PSG2: variants seen among roughly 807,000 people sequenced by gnomAD.
The protein encoded by PSG2 is pregnancy specific beta-1-glycoprotein 2.
PSG2 carries 49 observed loss-of-function variants against 36.2 expected under a neutral mutation model. The observed-to-expected ratio is 1.35, with a 90% CI of 1.08 to 1.72. PSG2 has a LOEUF of 1.72. Ranked by LOEUF, PSG2 falls within the 40% of genes most tolerant of loss-of-function variation. The pLI, the probability that PSG2 is intolerant of heterozygous loss-of-function variation, is 0.00. For missense variants in PSG2, 605 were observed against 407.2 expected (o/e 1.49, Z -4.18); for synonymous variants, 261 against 155.6 (o/e 1.68, Z -5.04).
Position 43,075,591 on chromosome 19 carries a change from G to A in PSG2, c.472C>T (p.Pro158Ser). ...ATCACAGTTTCCATGGCCTCCCTGGGGTTTAAGTTGCTGCTGGAGATGGAG... is the reference window on the plus strand; with the variant it reads ...ATCACAGTTTCCATGGCCTCCCTGGAGTTTAAGTTGCTGCTGGAGATGGAG... ...KPSISSSNLN[P>S]REAMETVILT... The change falls in exon 3 of 6, where the codon CCC becomes TCC. Residue 158 changes from proline (P) to serine (S), a missense_variant. Transcript: ENST00000406487. 6.2e-7 allele frequency: 1 copy of A among 1,613,166 alleles called. No homozygotes were observed. The highest frequency in any genetic ancestry group is 8.5e-7 in the Non-Finnish European group (1 of 1,179,754).
Position 43,071,803 on chromosome 19 carries a change from A to C in PSG2, c.861T>G (p.Phe287Leu), listed in dbSNP as rs781036584. Residue 287 changes from phenylalanine (F) to leucine (L), a missense_variant, in exon 4 of 6, where the codon TTT (phenylalanine) becomes TTG (leucine). Coordinates refer to ENST00000406487, the MANE Select transcript of PSG2 (RefSeq NM_031246.4). ...TATGCTTTGTAGTAATTTGGGGGATAAACAGATTTTGTCCTGATTGCTGAA... is the reference window on the plus strand; with the variant it reads ...TATGCTTTGTAGTAATTTGGGGGATCAACAGATTTTGTCCTGATTGCTGAA... Reference protein sequence around the residue: ...GKFQQSGQNLFIPQITTKHSG... With the variant: ...GKFQQSGQNLLIPQITTKHSG... The C allele has an allele frequency of 6.2e-6, 10 of 1,612,888 alleles. No individual in the cohort carries two copies. In the East Asian group the frequency reaches 2.2e-4, roughly 36 times the overall value.
At position 43,075,443 on chromosome 19, in the gene PSG2, A is replaced by G. The variant is rs1336662253; in HGVS notation, c.620T>C (p.Val207Ala). The change falls in exon 3 of 6, where the codon GTC becomes GCC. Residue 207 changes from valine to alanine, a missense_variant. Val to Ala is a moderately conservative substitution (Grantham distance 64). Transcript: ENST00000406487. ...ETNRTLFLFG[V>A]TKYTAGPYEC... Reference sequence around the variant, plus strand: ...ATAGGGTCCTGCAGTATACTTTGTGACACCAAATAGAAAGAGGGTCCTGTT... The same window carrying G: ...ATAGGGTCCTGCAGTATACTTTGTGGCACCAAATAGAAAGAGGGTCCTGTT... 23 of 1,613,160 alleles carry G rather than the reference A, an allele frequency of 1.4e-5. No individual in the cohort carries two copies. Among genetic ancestry groups the G allele is most frequent in the African/African-American group, 2.7e-5 (2 of 74,570 alleles).
Position 43,064,290 on chromosome 19 carries a change from G to A in PSG2, c.*352C>T. 8.9e-6 allele frequency: 2 copies of A among 225,404 alleles called. No homozygotes were observed. The highest frequency in any genetic ancestry group is 9.6e-5 in the South Asian group (1 of 10,452). The allele number at this position is 225,404 out of a possible 1,614,324, so 14.0% of individuals were successfully genotyped here. On this transcript the variant is annotated 3_prime_UTR_variant, in exon 6 of 6. Transcript: ENST00000406487. ...CCCAATTCTGGGGCACTCAGATAGA[G>A]AGCAAAAGGAAATGTTTCAATTTTT...
At chr19:43,081,676 C>A (rs1333558177) in intron 1 of PSG2, 3 of 185,728 alleles carry the variant, frequency 1.6e-5, no homozygotes, top group East Asian at 2.4e-4. Flanking sequence ...TAACAGCTGA[C>A]CTCACATTCT....
intron 4 of PSG2, among the ~76,000 whole-genome samples, chr19:43,069,870 C>T (rs1272737484): frequency 4.6e-5 from 7 of 151,488 alleles, no homozygotes; most frequent in Non-Finnish European, 8.8e-5. Flanking sequence ...TTTTACATAT[C>T]GAAGAACATT....
rs776552801 is a variant in PSG2 at position 43,082,528 on chromosome 19, T to G, written c.42A>C (p.Lys14Asn). 3.4e-5 allele frequency: 54 copies of G among 1,611,740 alleles called. No individual in the cohort carries two copies. The highest frequency in any genetic ancestry group is 4.2e-5 in the Non-Finnish European group (49 of 1,178,964). ...LSAPPCTEHI[K>N]WKGLLVTASL... is the part of the protein sequence containing the mutation. ...CACCTGTGACCAGGAGCCCCTTCCA[T>G]TTGATGTGCTCTGTGCAGGGAGGGG... Residue 14 changes from lysine to asparagine, a missense_variant, in exon 1 of 6, where the codon AAA (lysine) becomes AAC (asparagine). Physicochemically the swap from Lys to Asn is moderately conservative, Grantham distance 94 (BLOSUM62 0). Coordinates refer to ENST00000406487, the MANE Select transcript of PSG2 (RefSeq NM_031246.4).
chr19:43,066,606 A>G lies in PSG2; in HGVS notation c.965-6T>C. The G allele has an allele frequency of 6.3e-7, 1 of 1,594,398 alleles. No homozygotes were observed. Among genetic ancestry groups the G allele is most frequent in the Non-Finnish European group, 8.6e-7 (1 of 1,162,852 alleles). ...AAGTCCTATTCTTGTAGAAGCTGTC[A>G]TGGAAAGAAAAGTAAAGAAGGAATG... On this transcript the variant is annotated splice_region_variant and splice_polypyrimidine_tract_variant and intron_variant, in intron 4 of 5. Transcript: ENST00000406487.
In PSG2 at chr19:43,071,530, G is replaced by A. The variant is rs1967815908; in HGVS notation, c.964+170C>T. ...CAGCCATGAGAAAACAGAAAAACAAGGAGAAGAGAGTTTGTAGAGACAAAT... is the reference window on the plus strand; with the variant it reads ...CAGCCATGAGAAAACAGAAAAACAAAGAGAAGAGAGTTTGTAGAGACAAAT... On this transcript the variant is annotated intron_variant, in intron 4 of 5. Coordinates refer to ENST00000406487, the MANE Select transcript of PSG2 (RefSeq NM_031246.4). 4.6e-5 allele frequency among the ~76,000 whole-genome samples: 7 copies of A among 151,604 alleles called. No individual in the cohort carries two copies. In the South Asian group the frequency reaches 1.5e-3, roughly 32 times the overall value.
At position 43,064,221 on chromosome 19, in the gene PSG2, A is replaced by G. The variant is rs184004967; in HGVS notation, c.*421T>C. 2.8e-3 allele frequency: 464 copies of G among 164,674 alleles called. 6 individuals are homozygous for G. The highest frequency in any genetic ancestry group is 0.011 in the Middle Eastern group (4 of 352). 10.2% of individuals were successfully genotyped at this position (164,674 alleles called of 1,614,324 possible). A position where few individuals can be genotyped will look rare whatever the true frequency, so the allele number is the denominator to read the frequency against. ...AGCAGATTCTTACTGAACTTGTGCA[A>G]ATAGCTTTATTACCATAAACATATG... On this transcript the variant is annotated 3_prime_UTR_variant, in exon 6 of 6. Transcript: ENST00000406487.
chr19:43,077,595 T>C (rs1967915282), intron 2 of PSG2, among the ~76,000 whole-genome samples: 1 of 151,718 alleles, frequency 6.6e-6, no homozygotes, highest in Non-Finnish European at 1.5e-5. Context: ...GGCATCATCA[T>C]GAGGAAACAC....
chr19:43,071,773 C>A lies in PSG2; in HGVS notation c.891G>T (p.Gly297=). Reference sequence around the variant, plus strand: ...AGTTACGAACAGAGCAAACATAGAGCCCGCTATGCTTTGTAGTAATTTGGG... The same window carrying A: ...AGTTACGAACAGAGCAAACATAGAGACCGCTATGCTTTGTAGTAATTTGGG... The part of the protein sequence containing the change: ...FIPQITTKHS[G]LYVCSVRNSA... Residue 297 remains glycine (G), a synonymous_variant, in exon 4 of 6, where the codon GGG becomes GGT. Coordinates refer to ENST00000406487, the MANE Select transcript of PSG2 (RefSeq NM_031246.4). The A allele has an allele frequency of 1.2e-6, 2 of 1,612,646 alleles. No individual in the cohort carries two copies. The highest frequency in any genetic ancestry group is 1.1e-5 in the South Asian group (1 of 91,036).
intron 4 of PSG2, among the ~76,000 whole-genome samples, chr19:43,071,163 T>C (rs1166353718): frequency 5.9e-5 from 9 of 151,394 alleles, no homozygotes; most frequent in Non-Finnish European, 1.3e-4. Context: ...TCTCCACACA[T>C]GCTGGTCCCA....
At chr19:43,081,370 C>T (rs1231729995) in intron 1 of PSG2, 124 bp from the exon 2 acceptor site, 35 of 1,204,526 alleles carry the variant, frequency 2.9e-5, no homozygotes, top group Middle Eastern at 5.6e-4. Context: ...CACACACACA[C>T]ACACACACAC....
intron 4 of PSG2, among the ~76,000 whole-genome samples, chr19:43,067,049 T>G (rs1967750058): frequency 6.6e-6 from 1 of 151,540 alleles, no homozygotes; most frequent in Non-Finnish European, 1.5e-5. Context: ...CACAGAAAGC[T>G]TCTTTCCTAC....
At chr19:43,074,803 T>C (rs1424096214) in intron 3 of PSG2, among the ~76,000 whole-genome samples, 4 of 151,726 alleles carry the variant, frequency 2.6e-5, no homozygotes, top group African/African-American at 9.7e-5. Context: ...ATTTGAGGGA[T>C]AAAGAACACT....
In PSG2 at chr19:43,075,461, G is replaced by T; in HGVS notation, c.602C>A (p.Thr201Asn). ...CTTTGTGACACCAAATAGAAAGAGGGTCCTGTTGGTTTCGGACAGCTGAAA... is the reference window on the plus strand; with the variant it reads ...CTTTGTGACACCAAATAGAAAGAGGTTCCTGTTGGTTTCGGACAGCTGAAA... ...HRFQLSETNR[T>N]LFLFGVTKYT... Residue 201 changes from threonine to asparagine, a missense_variant, in exon 3 of 6, where the codon ACC becomes AAC. Physicochemically the swap from Thr to Asn is moderately conservative, Grantham distance 65. Coordinates refer to ENST00000406487, the MANE Select transcript of PSG2 (RefSeq NM_031246.4). The T allele has an allele frequency of 6.2e-7, 1 of 1,613,156 alleles. No individual in the cohort carries two copies. Among genetic ancestry groups the T allele is most frequent in the South Asian group, 1.1e-5 (1 of 91,052 alleles).
At chr19:43,064,838 A>T (rs12151048) in intron 5 of PSG2, among the ~76,000 whole-genome samples, 13,496 of 151,706 alleles carry the variant, frequency 0.089, 802 homozygotes, top group South Asian at 0.16. Context: ...CTCATTAAAA[A>T]AATTTTTTTT....
At chr19:43,081,700 T>A in intron 1 of PSG2, 1 of 175,332 alleles carries the variant, frequency 5.7e-6, no homozygotes, top group Non-Finnish European at 1.2e-5. Flanking sequence ...TCTCTTTGTA[T>A]GTCTGTCTTC....
intron 4 of PSG2, among the ~76,000 whole-genome samples, 178 bp from the exon 5 acceptor site, chr19:43,066,778 C>T (rs1235354581): frequency 1.3e-5 from 2 of 151,444 alleles, no homozygotes; most frequent in Non-Finnish European, 2.9e-5. Flanking sequence ...TCCCTCTCAC[C>T]ATGTGTCTCG....
Sources: gnomAD v4.1 joint callset for allele counts (sites outside exome capture counted in the v4.1 genomes callset) on GRCh38, gnomAD v4.1.1 for gene constraint, MANE v1.5 for transcripts, NCBI Gene and HGNC (gene_info 2026-07-23, HGNC 2026-07-21) for gene names.